The following PIP4K2A variants were observed in gnomAD, a reference collection of about 807,000 sequenced individuals.
PIP4K2A encodes the protein phosphatidylinositol-5-phosphate 4-kinase type 2 alpha.
PIP4K2A carries 14 observed loss-of-function variants against 42.9 expected under a neutral mutation model. That is an observed-to-expected ratio of 0.33 (90% confidence interval 0.22 to 0.51). The LOEUF is 0.51. Among genes scored for constraint, PIP4K2A ranks in the 20% least tolerant of loss-of-function variants. PIP4K2A has a pLI of 0.97. For synonymous variants in PIP4K2A, 192 were observed against 192.2 expected (o/e 1.00, Z 0.01); for missense variants, 434 against 519.8 (o/e 0.83, Z 1.61).
rs184110706 is a variant in PIP4K2A at position 22,589,691 on chromosome 10, G to C, written c.492+1938C>G. On this transcript the variant is annotated intron_variant, in intron 4 of 9. Transcript: ENST00000376573. Reference sequence around the variant, plus strand: ...ATGAACATAAAGTAATGCTTTTAAAGGGATGTTTAAACAGACATCTAGGAG... The same window carrying C: ...ATGAACATAAAGTAATGCTTTTAAACGGATGTTTAAACAGACATCTAGGAG... 3.0e-3 allele frequency among the ~76,000 whole-genome samples: 451 copies of C among 152,312 alleles called. 2 individuals are homozygous for C. Among genetic ancestry groups the C allele is most frequent in the Non-Finnish European group, 5.0e-3 (341 of 68,016 alleles).
intron 1 of PIP4K2A, among the ~76,000 whole-genome samples, chr10:22,705,425 TTAAAAAAAAAAAAAAA>T (rs1433224507): frequency 1.1e-4 from 6 of 56,904 alleles, no homozygotes; most frequent in Admixed American, 5.5e-4. Flanking sequence ...AGTACCCCAG[TTAAAAAAAAAAAAAAA>T]AAAAAAAAAA....
chr10:22,543,330 C>T (rs1296274157), intron 7 of PIP4K2A, among the ~76,000 whole-genome samples: 1 of 152,212 alleles, frequency 6.6e-6, no homozygotes, highest in African/African-American at 2.4e-5. Context: ...CACTTCGCTG[C>T]CTTCCCAACA....
rs75958626 is a variant in PIP4K2A, at chr10:22,707,753, C to A, written c.144+6430G>T. Among the ~76,000 whole-genome samples, 250 of 152,244 alleles carry A rather than the reference C, an allele frequency of 1.6e-3. 2 individuals carry two copies. The highest frequency in any genetic ancestry group is 5.8e-3 in the African/African-American group (240 of 41,530). On this transcript the variant is annotated intron_variant, in intron 1 of 9. Coordinates refer to ENST00000376573, the MANE Select transcript of PIP4K2A (RefSeq NM_005028.5). ...CCCCAAGAATTCTTCCTGGCTGCTG[C>A]GTGCTCTCCCCACTTTCTCACCCCA... is the stretch of plus-strand genomic sequence containing the variant.
chr10:22,580,288 C>T (rs1462551276), intron 4 of PIP4K2A, among the ~76,000 whole-genome samples: 2 of 151,994 alleles, frequency 1.3e-5, no homozygotes, highest in Non-Finnish European at 2.9e-5. Flanking sequence ...ACTGTGAGCA[C>T]ATTTTTCTTC....
chr10:22,584,314 T>C (rs557152002), intron 4 of PIP4K2A, among the ~76,000 whole-genome samples: 310 of 55,270 alleles, frequency 5.6e-3, no homozygotes, highest in Non-Finnish European at 7.1e-3. Context: ...AAGATAATTG[T>C]TGAAATTAAA....
intron 1 of PIP4K2A, among the ~76,000 whole-genome samples, chr10:22,693,789 C>T (rs1008913486): frequency 6.6e-6 from 1 of 151,784 alleles, no homozygotes; most frequent in African/African-American, 2.4e-5. Context: ...ACTGTCTCAG[C>T]TTTCTCAGCT....
intron 1 of PIP4K2A, among the ~76,000 whole-genome samples, chr10:22,647,634 T>C (rs1447742999): frequency 2.0e-5 from 3 of 152,186 alleles, no homozygotes; most frequent in African/African-American, 4.8e-5. Context: ...ATAGATGACA[T>C]GAAACACTCT....
rs34435373 is a variant in PIP4K2A, at chr10:22,535,890, GAA to G, written c.*1309_*1310del. On this transcript the variant is annotated 3_prime_UTR_variant, in exon 10 of 10. Transcript: ENST00000376573. ...TAGGTTGATAAATGTACATTTGGAG[GAA>G]AAAAAAATCCTTTTCCTTTTATTGT... The G allele has an allele frequency of 8.0e-6, 3 of 373,094 alleles. No individual in the cohort carries two copies. The highest frequency in any genetic ancestry group is 6.7e-4 in the Middle Eastern group (1 of 1,498). The allele number at this position is 373,094 out of a possible 1,614,324, so 23.1% of individuals were successfully genotyped here. A position where few individuals can be genotyped will look rare whatever the true frequency, so the allele number is the denominator to read the frequency against.
intron 5 of PIP4K2A, among the ~76,000 whole-genome samples, chr10:22,568,257 T>C (rs1404078636): frequency 5.9e-5 from 9 of 152,198 alleles, no homozygotes; most frequent in African/African-American, 9.6e-5. Context: ...CTGCCAGAAA[T>C]AGTCAGTCCT....
At chr10:22,540,493 G>T (rs966099838) in intron 8 of PIP4K2A, among the ~76,000 whole-genome samples, 4 of 151,840 alleles carry the variant, frequency 2.6e-5, no homozygotes, top group Non-Finnish European at 4.4e-5. Flanking sequence ...TCAAATGGTA[G>T]AACTGTTCAT....
chr10:22,609,582 G>C (rs746259337), intron 2 of PIP4K2A, 38 bp downstream of exon 2: 15 of 1,140,994 alleles, frequency 1.3e-5, no homozygotes, highest in Non-Finnish European at 2.0e-5. Flanking sequence ...ACTCCTAGCA[G>C]CCACGCTAGT....
chr10:22,601,142 A>AC (rs1837760267), intron 3 of PIP4K2A, among the ~76,000 whole-genome samples: 1 of 127,550 alleles, frequency 7.8e-6, no homozygotes, highest in Admixed American at 7.9e-5. Flanking sequence ...AAAAAAAAAA[A>AC]AAAAAAAAAA....
intron 1 of PIP4K2A, among the ~76,000 whole-genome samples, chr10:22,613,878 A>T (rs142551758): frequency 6.6e-6 from 1 of 152,296 alleles, no homozygotes; most frequent in East Asian, 1.9e-4. Context: ...GAGTTCCAGG[A>T]CCATCACTTG....
chr10:22,685,918 A>G (rs888131217), intron 1 of PIP4K2A, among the ~76,000 whole-genome samples: 2 of 152,164 alleles, frequency 1.3e-5, no homozygotes, highest in Non-Finnish European at 2.9e-5. Context: ...TTTGTAATTT[A>G]ATAACAATTA....
chr10:22,693,246 G>A (rs1839909995), intron 1 of PIP4K2A, among the ~76,000 whole-genome samples: 1 of 151,852 alleles, frequency 6.6e-6, no homozygotes, highest in Admixed American at 6.6e-5. Flanking sequence ...AAAATTTTAT[G>A]GTAAATGTGT....
chr10:22,542,044 G>C lies in PIP4K2A; in HGVS notation c.796C>G (p.Leu266Val). ...LEKLKKDVEF[L>V]AQLKLMDYSL... ...TAGTCCATGAGCTTCAGCTGGGCCA[G>C]AAACTGGGGACAGAGGCAACAGGGT... The change falls in exon 8 of 10, where the codon CTG becomes GTG. Residue 266 changes from leucine to valine, a missense_variant. Coordinates refer to ENST00000376573, the MANE Select transcript of PIP4K2A (RefSeq NM_005028.5). 6.2e-7 allele frequency: 1 copy of C among 1,605,818 alleles called. No individual in the cohort carries two copies. Among genetic ancestry groups the C allele is most frequent in the South Asian group, 1.1e-5 (1 of 89,686 alleles).
chr10:22,605,202 C>CT (rs1837881238), intron 3 of PIP4K2A, among the ~76,000 whole-genome samples: 1 of 139,378 alleles, frequency 7.2e-6, no homozygotes, highest in African/African-American at 3.3e-5. Context: ...TCTTTTTTTT[C>CT]TTTTTTTAAT....
chr10:22,627,588 TAATAAAAAAAAAAAAAAAAAAAA>T (rs1838468680), intron 1 of PIP4K2A, among the ~76,000 whole-genome samples: 4 of 38,924 alleles, frequency 1.0e-4, no homozygotes, highest in East Asian at 8.8e-4. Context: ...AGCTAATATG[TAATAAAAAAAAAAAAAAAAAAAA>T]AAAAAAAAAA....
chr10:22,589,753 T>C (rs1837471502), intron 4 of PIP4K2A, among the ~76,000 whole-genome samples: 1 of 152,250 alleles, frequency 6.6e-6, no homozygotes, highest in African/African-American at 2.4e-5. Flanking sequence ...TCGAAGCAGA[T>C]ACTTAGTAAG....
Sources: allele counts gnomAD v4.1 joint callset (sites outside exome capture counted in the v4.1 genomes callset), GRCh38; gene constraint gnomAD v4.1.1; transcripts MANE v1.5; gene names NCBI Gene and HGNC (gene_info 2026-07-23, HGNC 2026-07-21).